PDSS2: variants seen among roughly 807,000 people sequenced by gnomAD.
PDSS2 encodes the protein decaprenyl diphosphate synthase subunit 2.
PDSS2 carries 31 observed loss-of-function variants against 44.5 expected under a neutral mutation model. The ratio of observed to expected loss-of-function variants is 0.70; its 90% CI spans 0.52 to 0.94. The LOEUF (loss-of-function observed/expected upper bound fraction) is 0.94. Ranked by LOEUF, PDSS2 falls within the 40% of genes least tolerant of loss-of-function variation. The pLI, the probability that PDSS2 is intolerant of heterozygous loss-of-function variation, is 0.00. For synonymous variants in PDSS2, 157 were observed against 180.3 expected, an observed-to-expected ratio of 0.87 and a Z score of 1.03; for missense variants, 452 against 482.2, an observed-to-expected ratio of 0.94 and a Z score of 0.59.
intron 2 of PDSS2, among the ~76,000 whole-genome samples, chr6:107,317,827 G>A (rs1777248197): frequency 6.6e-6 from 1 of 152,140 alleles, no homozygotes; most frequent in African/African-American, 2.4e-5. Context: ...TGTTAGATTA[G>A]TGGTCCCCAG....
rs574948395 is a variant in PDSS2, at chr6:107,170,980, C to T, written c.1042-16203G>A. Among the ~76,000 whole-genome samples the T allele has an allele frequency of 1.4e-3, 217 of 152,194 alleles. 1 individual carries two copies. The highest frequency in any genetic ancestry group is 5.0e-3 in the African/African-American group (207 of 41,524). ...CAACAATCAAATTAAAACCAACAAG[C>T]GTTTATTGGACACCTATATAACCTA... On this transcript the variant is annotated intron_variant, in intron 7 of 7. Transcript: ENST00000369037.
At chr6:107,236,509 A>C (rs1401699897) in intron 4 of PDSS2, among the ~76,000 whole-genome samples, 1 of 151,974 alleles carries the variant, frequency 6.6e-6, no homozygotes, top group Non-Finnish European at 1.5e-5. Flanking sequence ...GACCTGTCTT[A>C]TAAGCAAGGT....
chr6:107,274,667 C>CTTTTTTTTTTTTTTTTTTTT (rs5878910), intron 2 of PDSS2, among the ~76,000 whole-genome samples: 7 of 106,556 alleles, frequency 6.6e-5, no homozygotes, highest in Non-Finnish European at 5.8e-5. Flanking sequence ...ATCTCTCTCT[C>CTTTTTTTTTTTTTTTTTTTT]TTTTTTTTTT....
intron 1 of PDSS2, among the ~76,000 whole-genome samples, chr6:107,374,151 G>T (rs1779209667): frequency 6.6e-6 from 1 of 151,792 alleles, no homozygotes; most frequent in African/African-American, 2.4e-5. Flanking sequence ...CTGCTCAGGA[G>T]GCTGAGGCAG....
chr6:107,172,891 C>G (rs909241566), intron 7 of PDSS2, among the ~76,000 whole-genome samples: 1 of 151,528 alleles, frequency 6.6e-6, no homozygotes, highest in African/African-American at 2.4e-5. Flanking sequence ...TTTGGGAGGC[C>G]GAGGCAGGCA....
chr6:107,177,463 T>A (rs1771835280), intron 7 of PDSS2, among the ~76,000 whole-genome samples: 1 of 152,310 alleles, frequency 6.6e-6, no homozygotes, highest in South Asian at 2.1e-4. Context: ...TAAACTTGCA[T>A]CAACATTTGA....
chr6:107,459,003 G>C lies in PDSS2; in HGVS notation c.283C>G (p.Leu95Val). 6.2e-7 allele frequency: 1 copy of C among 1,614,094 alleles called. No individual in the cohort carries two copies. Among genetic ancestry groups the C allele is most frequent in the Non-Finnish European group, 8.5e-7 (1 of 1,179,992 alleles). Residue 95 changes from leucine to valine, a missense_variant, in exon 1 of 8, where the codon CTT (leucine) becomes GTT (valine). Coordinates refer to ENST00000369037, the MANE Select transcript of PDSS2 (RefSeq NM_020381.4). The surrounding 1 kb of genome is among the most constrained non-coding windows in gnomAD (Gnocchi z 4.3). ...GGGGTAGCTCACCTGGCTGTGGTAAGCAGAGGGTGCTGAGTGCCCACCAGC... is the reference window on the plus strand; with the variant it reads ...GGGGTAGCTCACCTGGCTGTGGTAACCAGAGGGTGCTGAGTGCCCACCAGC... ...RKLVGTQHPL[L>V]TTARGLVHDS...
At chr6:107,330,484 A>G (rs1453832523) in intron 2 of PDSS2, among the ~76,000 whole-genome samples, 3 of 152,218 alleles carry the variant, frequency 2.0e-5, no homozygotes, top group Admixed American at 6.5e-5. Context: ...GTTAGAAGAG[A>G]AGATTGAGTC....
intron 1 of PDSS2, among the ~76,000 whole-genome samples, chr6:107,349,779 A>C (rs1778377146): frequency 7.1e-6 from 1 of 140,910 alleles, no homozygotes. Flanking sequence ...AACAAACAAA[A>C]GAACATTCCC....
chr6:107,445,926 T>TTCTCTC (rs959855434), intron 1 of PDSS2, among the ~76,000 whole-genome samples: 1 of 152,140 alleles, frequency 6.6e-6, no homozygotes, highest in East Asian at 1.9e-4. Flanking sequence ...TTCTTTCTCT[T>TTCTCTC]TCTCTCTCTG....
chr6:107,166,684 T>C (rs1554247595), intron 7 of PDSS2, among the ~76,000 whole-genome samples: 1 of 152,202 alleles, frequency 6.6e-6, no homozygotes, highest in Non-Finnish European at 1.5e-5. Context: ...GTTTTTAGCA[T>C]GAAGGCTGTT....
intron 7 of PDSS2, among the ~76,000 whole-genome samples, chr6:107,174,062 G>A (rs1208547090): frequency 1.3e-5 from 2 of 152,126 alleles, no homozygotes; most frequent in African/African-American, 4.8e-5. Flanking sequence ...GCACACGGAC[G>A]GTCAACTAAT....
intron 1 of PDSS2, among the ~76,000 whole-genome samples, chr6:107,448,228 A>T (rs1292699564): frequency 6.6e-6 from 1 of 152,198 alleles, no homozygotes; most frequent in African/African-American, 2.4e-5. Context: ...TTGGCTCCTC[A>T]TTACTTATGC....
intron 1 of PDSS2, among the ~76,000 whole-genome samples, chr6:107,457,805 T>C (rs1334619772): frequency 6.6e-6 from 1 of 152,180 alleles, no homozygotes; most frequent in Non-Finnish European, 1.5e-5. Flanking sequence ...TTAACAAAAT[T>C]GAAATTAAAT....
At chr6:107,168,259 G>T (rs2114350486) in intron 7 of PDSS2, among the ~76,000 whole-genome samples, 1 of 152,146 alleles carries the variant, frequency 6.6e-6, no homozygotes, top group East Asian at 1.9e-4. Context: ...TTTGATCTTT[G>T]TTGGTTTAAA....
In PDSS2 at chr6:107,239,762, C is replaced by T. The variant is rs577169620; in HGVS notation, c.702+5786G>A. ...GTTCAAGCGATTCTCCTGCCTCAGC[C>T]TCCCAAGTAGCTGGGATTACAGGTG... On this transcript the variant is annotated intron_variant, in intron 4 of 7. Coordinates refer to ENST00000369037, the MANE Select transcript of PDSS2 (RefSeq NM_020381.4). Among the ~76,000 whole-genome samples, 33 of 151,256 alleles carry T rather than the reference C, an allele frequency of 2.2e-4. 1 individual carries two copies. The highest frequency in any genetic ancestry group is 3.4e-3 in the Middle Eastern group (1 of 290).
intron 1 of PDSS2, among the ~76,000 whole-genome samples, chr6:107,334,754 C>T (rs571488626): frequency 6.6e-6 from 1 of 151,308 alleles, no homozygotes; most frequent in Non-Finnish European, 1.5e-5. Context: ...TGCTATGTTG[C>T]CCAGACTGGT....
At chr6:107,161,348 C>T (rs1159891291) in intron 7 of PDSS2, among the ~76,000 whole-genome samples, 6 of 152,026 alleles carry the variant, frequency 3.9e-5, no homozygotes, top group African/African-American at 1.2e-4. Context: ...GGCGTGGTGC[C>T]GGGCGCCTGT....
intron 1 of PDSS2, among the ~76,000 whole-genome samples, chr6:107,450,131 C>G (rs892449109): frequency 2.0e-5 from 3 of 152,158 alleles, no homozygotes; most frequent in Non-Finnish European, 2.9e-5. Context: ...TTTTTTCACT[C>G]AGAATAATTC....
Sources: allele counts gnomAD v4.1 joint callset (sites outside exome capture counted in the v4.1 genomes callset), GRCh38; gene constraint gnomAD v4.1.1; non-coding constraint Gnocchi (gnomAD v3.1); transcripts MANE v1.5; gene names NCBI Gene and HGNC (gene_info 2026-07-23, HGNC 2026-07-21).